LSR: variants seen among roughly 807,000 people sequenced by gnomAD.
The protein encoded by LSR is lipolysis stimulated lipoprotein receptor, also known as lipolysis-stimulated lipoprotein receptor.
In LSR, 44 loss-of-function variants were observed where a neutral mutation model predicts 61.8. That is an observed-to-expected ratio of 0.71 (90% CI 0.56 to 0.91). The LOEUF (loss-of-function observed/expected upper bound fraction) is 0.91. Ranked by LOEUF, LSR falls within the 40% of genes least tolerant of loss-of-function variation. LSR has a pLI of 0.00. For synonymous variants in LSR, 397 were observed against 350.6 expected (o/e 1.13, Z -1.48); for missense variants, 911 against 830.5 (o/e 1.10, Z -1.19).
In LSR at chr19:35,266,670, C is replaced by CT; in HGVS notation, c.953-8dup. ...TGGTGCGCGGCCACTGACAGCCACT[C>CT]TCCCCCAGCTGGTGGCCAAGGCTCC... On this transcript the variant is annotated splice_polypyrimidine_tract_variant and intron_variant, in intron 6 of 9. Coordinates refer to ENST00000605618, the MANE Select transcript of LSR (RefSeq NM_205834.4). 2 of 1,606,050 alleles carry CT rather than the reference C, an allele frequency of 1.2e-6. No individual in the cohort carries two copies. Among genetic ancestry groups the CT allele is most frequent in the Non-Finnish European group, 1.7e-6 (2 of 1,176,846 alleles).
chr19:35,257,896 C>G (rs2065875573), intron 2 of LSR, among the ~76,000 whole-genome samples: 1 of 152,218 alleles, frequency 6.6e-6, no homozygotes, highest in South Asian at 2.1e-4. Context: ...CGTCCCCAAG[C>G]CCTGGGCCTG....
chr19:35,265,188 T>G (rs1053791696), intron 5 of LSR, among the ~76,000 whole-genome samples: 10 of 152,166 alleles, frequency 6.6e-5, no homozygotes, highest in Non-Finnish European at 1.2e-4. Context: ...TTTTGCTCAG[T>G]GAGTAAGTGT....
intron 4 of LSR, 77 bp from the exon 5 acceptor site, chr19:35,262,469 C>T: frequency 1.3e-6 from 2 of 1,536,052 alleles, no homozygotes; most frequent in Non-Finnish European, 9.0e-7. Context: ...GCTGGCTCCG[C>T]ACCATGTACC....
chr19:35,261,950 C>T lies in LSR; in HGVS notation c.600C>T (p.Leu200=). 6.7e-7 allele frequency: 1 copy of T among 1,498,700 alleles called. No homozygotes were observed. Among genetic ancestry groups the T allele is most frequent in the Non-Finnish European group, 8.8e-7 (1 of 1,132,854 alleles). 92.8% of individuals were successfully genotyped at this position (1,498,700 alleles called of 1,614,324 possible). A position where few individuals can be genotyped will look rare whatever the true frequency, so the allele number is the denominator to read the frequency against. The part of the protein sequence containing the change: ...VLGRTSGVAE[L]LPGFQAGPIE... Reference sequence around the variant, plus strand: ...GGAGGACCTCAGGGGTGGCTGAGCTCTTACCTGGTTTTCAGGCGGGGCCCA... The same window carrying T: ...GGAGGACCTCAGGGGTGGCTGAGCTTTTACCTGGTTTTCAGGCGGGGCCCA... Residue 200 remains leucine (L), a synonymous_variant, in exon 4 of 10, where the codon CTC becomes CTT. Transcript: ENST00000605618.
At chr19:35,260,294 T>TC (rs2065910558) in intron 3 of LSR, among the ~76,000 whole-genome samples, 1 of 144,942 alleles carries the variant, frequency 6.9e-6, no homozygotes, top group Non-Finnish European at 1.5e-5. Flanking sequence ...GATTTTCCTT[T>TC]TTTTTTTTTT....
intron 2 of LSR, among the ~76,000 whole-genome samples, chr19:35,250,936 C>CA (rs2065786332): frequency 6.6e-6 from 1 of 152,028 alleles, no homozygotes; most frequent in Non-Finnish European, 1.5e-5. Context: ...GCTGGGACTC[C>CA]AGGTGCGTGC....
chr19:35,266,821 C>G lies in LSR; in HGVS notation c.1013-15C>G. 1 of 1,602,664 alleles carries G rather than the reference C, an allele frequency of 6.2e-7. No individual in the cohort carries two copies. Reference sequence around the variant, plus strand: ...ATCCATCCTCCCAAACCGACCACCACCCCCCTGTCCCTAGAAGTCCGCAGT... The same window carrying G: ...ATCCATCCTCCCAAACCGACCACCAGCCCCCTGTCCCTAGAAGTCCGCAGT... On this transcript the variant is annotated splice_polypyrimidine_tract_variant and intron_variant, in intron 7 of 9. Coordinates refer to ENST00000605618, the MANE Select transcript of LSR (RefSeq NM_205834.4).
intron 5 of LSR, among the ~76,000 whole-genome samples, chr19:35,264,965 C>T (rs2065977896): frequency 6.6e-6 from 1 of 152,168 alleles, no homozygotes; most frequent in African/African-American, 2.4e-5. Context: ...AAGCAGCCTT[C>T]CCTCTCTGAG....
At chr19:35,249,220 A>T in intron 1 of LSR, 89 bp downstream of exon 1, 1 of 1,455,582 alleles carries the variant, frequency 6.9e-7, no homozygotes, top group Non-Finnish European at 9.1e-7. Context: ...GGAAGCGGGA[A>T]GCGGGGGTCT....
Position 35,260,291 on chromosome 19 carries a change from C to CTTTTTTTT in LSR, c.574+1238_574+1245dup, listed in dbSNP as rs66534837. ...TAGGAATTAAAATGGGGAGATTTTC[C>CTTTTTTTT]TTTTTTTTTTTTTTTTTTGAGATGG... is the stretch of plus-strand genomic sequence containing the variant. On this transcript the variant is annotated intron_variant, in intron 3 of 9. Coordinates refer to ENST00000605618, the MANE Select transcript of LSR (RefSeq NM_205834.4). Among the ~76,000 whole-genome samples, 4 of 114,004 alleles carry CTTTTTTTT rather than the reference C, an allele frequency of 3.5e-5. 1 individual carries two copies. The highest frequency in any genetic ancestry group is 3.3e-5 in the African/African-American group (1 of 29,988). The allele number at this position is 114,004 out of a possible 152,430, so 74.8% of individuals were successfully genotyped here.
At chr19:35,262,044 G>T in intron 4 of LSR, 63 bp downstream of exon 4, 1 of 1,402,436 alleles carries the variant, frequency 7.1e-7, no homozygotes, top group South Asian at 1.4e-5. Flanking sequence ...TACTGCTTCT[G>T]ACTCTAGTTA....
intron 5 of LSR, among the ~76,000 whole-genome samples, chr19:35,265,555 TCTC>T (rs1459201496): frequency 9.2e-5 from 14 of 152,206 alleles, no homozygotes; most frequent in Middle Eastern, 3.4e-3. Context: ...GGCCCATCTC[TCTC>T]CTCCATTTTC....
At chr19:35,259,731 C>T (rs2145519422) in intron 3 of LSR, among the ~76,000 whole-genome samples, 1 of 152,310 alleles carries the variant, frequency 6.6e-6, no homozygotes, top group African/African-American at 2.4e-5. Context: ...TGCTACATCC[C>T]CAAGGCCTCA....
At chr19:35,257,959 G>A (rs1371426021) in intron 2 of LSR, among the ~76,000 whole-genome samples, 2 of 152,126 alleles carry the variant, frequency 1.3e-5, no homozygotes, top group Non-Finnish European at 2.9e-5. Context: ...CACTGGGAGG[G>A]TAAGTCTCTC....
At position 35,267,284 on chromosome 19, in the gene LSR, G is replaced by A; in HGVS notation, c.1320G>A (p.Arg440=). ...CAGGCGGGGGCTGGCGGGCCAGGCGGCCCCGGGCCCGCTCCGTGGACGCCC... is the reference window on the plus strand; with the variant it reads ...CAGGCGGGGGCTGGCGGGCCAGGCGACCCCGGGCCCGCTCCGTGGACGCCC... ...EQAGGGWRAR[R]PRARSVDALD... Residue 440 remains arginine, a synonymous_variant, in exon 9 of 10, where the codon CGG becomes CGA. Coordinates refer to ENST00000605618, the MANE Select transcript of LSR (RefSeq NM_205834.4). 6.6e-7 allele frequency: 1 copy of A among 1,518,910 alleles called. No individual in the cohort carries two copies. Among genetic ancestry groups the A allele is most frequent in the Non-Finnish European group, 8.8e-7 (1 of 1,131,884 alleles). The allele number at this position is 1,518,910 out of a possible 1,614,324, so 94.1% of individuals were successfully genotyped here.
At chr19:35,259,623 G>A (rs2065900448) in intron 3 of LSR, among the ~76,000 whole-genome samples, 2 of 151,302 alleles carry the variant, frequency 1.3e-5, no homozygotes, top group African/African-American at 4.9e-5. Flanking sequence ...GGGCGACAGA[G>A]TGAGACTCTG....
In LSR at chr19:35,259,097, C is replaced by T. The variant is rs1184736285; in HGVS notation, c.574+33C>T. ...GGCCTGGGAAGGGGGAGGCATGGCCCTTCCTTTTGTCCGCTTCTGTTCTGT... is the reference window on the plus strand; with the variant it reads ...GGCCTGGGAAGGGGGAGGCATGGCCTTTCCTTTTGTCCGCTTCTGTTCTGT... On this transcript the variant is annotated intron_variant, in intron 3 of 9. Transcript: ENST00000605618. The T allele has an allele frequency of 1.9e-6, 3 of 1,602,034 alleles. No homozygotes were observed. In the African/African-American group the frequency reaches 4.0e-5, roughly 21 times the overall value.
chr19:35,256,503 A>G (rs973672246), intron 2 of LSR, among the ~76,000 whole-genome samples: 3 of 152,148 alleles, frequency 2.0e-5, no homozygotes, highest in Non-Finnish European at 4.4e-5. Context: ...TGTGATATCT[A>G]TTGTATGTCA....
rs75825164 is a variant in LSR, at chr19:35,261,372, T to C, written c.575-553T>C. On this transcript the variant is annotated intron_variant, in intron 3 of 9. Coordinates refer to ENST00000605618, the MANE Select transcript of LSR (RefSeq NM_205834.4). ...TATTGTGTTAATTTGTGTTCAGATT[T>C]GTAAAGTAAAATTAAACCATTTCAG... 6.2e-3 allele frequency among the ~76,000 whole-genome samples: 937 copies of C among 152,290 alleles called. 13 individuals carry two copies. The highest frequency in any genetic ancestry group is 0.021 in the African/African-American group (870 of 41,558).
Sources: allele counts gnomAD v4.1 joint callset (sites outside exome capture counted in the v4.1 genomes callset), GRCh38; gene constraint gnomAD v4.1.1; transcripts MANE v1.5; gene names NCBI Gene and HGNC (gene_info 2026-07-23, HGNC 2026-07-21).